Variants in MTERF4 observed in about 807,000 individuals in gnomAD.
The protein encoded by MTERF4 is transcription termination factor 4, mitochondrial.
In MTERF4, 17 loss-of-function variants were observed where a neutral mutation model predicts 22.5. That is an observed-to-expected ratio of 0.75 (90% confidence interval 0.52 to 1.13). The LOEUF (loss-of-function observed/expected upper bound fraction) is 1.13. MTERF4 is among the 50% of genes most tolerant of loss of function. MTERF4 has a pLI of 0.00. For synonymous variants in MTERF4, 165 were observed against 175.3 expected, an observed-to-expected ratio of 0.94 and a Z score of 0.47; for missense variants, 420 against 466.8, an observed-to-expected ratio of 0.90 and a Z score of 0.92.
chr2:241,099,292 C>A, intron 2 of MTERF4, 104 bp downstream of exon 2: 1 of 1,317,638 alleles, frequency 7.6e-7, no homozygotes, highest in Non-Finnish European at 1.0e-6. Flanking sequence ...CCAGGCTGAT[C>A]TTGAACCCCT....
the MTERF4 span, among the ~76,000 whole-genome samples, chr2:241,064,337 C>T: frequency 1.3e-5 from 2 of 152,030 alleles, no homozygotes; most frequent in Non-Finnish European, 2.9e-5. The surrounding 1 kb of genome is among the most constrained non-coding windows in gnomAD (Gnocchi z 7.0). Context: ...ACCTCCCCAT[C>T]TCCTGCGCTC....
chr2:241,067,914 A>T, downstream of MTERF4: 1 of 1,607,216 alleles, frequency 6.2e-7, no homozygotes, highest in Non-Finnish European at 8.5e-7. Flanking sequence ...CAGGCCACCG[A>T]TGTGGACAGG....
At chr2:241,052,017 C>T in the MTERF4 span, 3 of 1,605,740 alleles carry the variant, frequency 1.9e-6, no homozygotes, top group Admixed American at 5.0e-5. Flanking sequence ...TGGGCTGTGA[C>T]CCTGACCTGG....
the MTERF4 span, chr2:241,052,127 C>G: frequency 1.2e-6 from 2 of 1,613,866 alleles, no homozygotes; most frequent in Non-Finnish European, 1.7e-6. Context: ...TGACTGTCCC[C>G]CAGGCTTCTC....
downstream of MTERF4, among the ~76,000 whole-genome samples, chr2:241,091,234 C>T (rs1177432341): frequency 2.0e-5 from 3 of 152,192 alleles, no homozygotes; most frequent in Admixed American, 2.0e-4. This position sits in a 1 kb window ranked among gnomAD's most constrained non-coding sequence, Gnocchi z 4.1. Flanking sequence ...AAGAACAACA[C>T]GAGAATTCAT....
In MTERF4 at chr2:241,073,841, C is replaced by T. The variant is rs1443252036; in HGVS notation, n.2321G>A. On this transcript the variant is annotated non_coding_transcript_exon_variant, in exon 5 of 5. Coordinates refer to the MTERF4 transcript ENST00000464344. This position sits in a 1 kb window ranked among gnomAD's most constrained non-coding sequence, Gnocchi z 6.6. ...AGGTTATGCAGGACCTGAACTGTCT[C>T]CTAGTCCGGGGCTCTGCCTCGTGAG... 1 of 206,696 alleles carries T rather than the reference C, an allele frequency of 4.8e-6. No homozygotes were observed. The highest frequency in any genetic ancestry group is 9.7e-6 in the Non-Finnish European group (1 of 103,446). 12.8% of individuals were successfully genotyped at this position (206,696 alleles called of 1,614,324 possible).
downstream of MTERF4, among the ~76,000 whole-genome samples, chr2:241,084,728 C>CT (rs2063499971): frequency 6.6e-6 from 1 of 152,132 alleles, no homozygotes; most frequent in African/African-American, 2.4e-5. Context: ...CTCTTCATTC[C>CT]TTTTTGTAGA....
chr2:241,070,250 C>T (rs928459244), downstream of MTERF4: 1 of 1,543,342 alleles, frequency 6.5e-7, no homozygotes. Flanking sequence ...TTTGCCAGCC[C>T]TCCACCCTGT....
downstream of MTERF4, chr2:241,068,921 C>T: frequency 1.3e-6 from 2 of 1,551,256 alleles, no homozygotes; most frequent in Non-Finnish European, 1.7e-6. The surrounding 1 kb of genome is among the most constrained non-coding windows in gnomAD (Gnocchi z 5.3). Context: ...GGCCCTGCTG[C>T]CTGGGAAGAG....
chr2:241,072,957 G>T (rs970664345), exon 5 of MTERF4: 1 of 417,728 alleles, frequency 2.4e-6, no homozygotes, highest in Non-Finnish European at 4.3e-6. Flanking sequence ...ACCCTAAGAA[G>T]AAAGCAACCG....
chr2:241,058,094 G>C, the MTERF4 span, among the ~76,000 whole-genome samples: 3 of 151,986 alleles, frequency 2.0e-5, no homozygotes, highest in South Asian at 4.1e-4. Flanking sequence ...AAGAATGAAA[G>C]TGAAAGGAAA....
downstream of MTERF4, chr2:241,089,847 C>T: frequency 1.4e-6 from 2 of 1,417,296 alleles, no homozygotes; most frequent in Non-Finnish European, 1.9e-6. Flanking sequence ...TGGCAGAGCC[C>T]ATGCTCCCGG....
the MTERF4 span, among the ~76,000 whole-genome samples, chr2:241,055,049 G>A: frequency 9.2e-5 from 14 of 152,222 alleles, no homozygotes; most frequent in East Asian, 1.2e-3. Context: ...CCTGGGAGGC[G>A]GAGGTTGCAG....
the MTERF4 span, among the ~76,000 whole-genome samples, chr2:241,045,670 A>G: frequency 1.1e-3 from 162 of 151,976 alleles, no homozygotes; most frequent in African/African-American, 3.7e-3. Flanking sequence ...ATAGACCTAA[A>G]TGGAAAAACA....
the MTERF4 span, chr2:241,052,039 A>C: frequency 6.2e-7 from 1 of 1,613,324 alleles, no homozygotes; most frequent in Non-Finnish European, 8.5e-7. Flanking sequence ...TTCTGTTTCC[A>C]GGGAAGCCAG....
At chr2:241,054,174 C>G in the MTERF4 span, among the ~76,000 whole-genome samples, 4 of 152,270 alleles carry the variant, frequency 2.6e-5, no homozygotes, top group East Asian at 5.8e-4. Context: ...AGATGACCCC[C>G]CCTCCCAATG....
At chr2:241,081,854 C>T (rs2063344120) in intron 4 of MTERF4, 1 of 1,275,172 alleles carries the variant, frequency 7.8e-7, no homozygotes, top group Middle Eastern at 1.9e-4. Context: ...CAGCCTAGGA[C>T]TGCTGGGCCA....
the MTERF4 span, among the ~76,000 whole-genome samples, chr2:241,056,579 A>ATTTTT: frequency 3.4e-5 from 3 of 87,700 alleles, no homozygotes; most frequent in African/African-American, 1.9e-4. Flanking sequence ...GAATAAGTGA[A>ATTTTT]ATTTTTTTTT....
downstream of MTERF4, chr2:241,067,865 G>A: frequency 1.2e-6 from 2 of 1,613,554 alleles, no homozygotes; most frequent in Non-Finnish European, 1.7e-6. Flanking sequence ...CGTCAGTGGG[G>A]TCCGTGTGTC....
Sources: gnomAD v4.1 joint callset for allele counts (sites outside exome capture counted in the v4.1 genomes callset) on GRCh38, gnomAD v4.1.1 for gene constraint, Gnocchi (gnomAD v3.1) non-coding constraint, MANE v1.5 for transcripts, NCBI Gene and HGNC (gene_info 2026-07-23, HGNC 2026-07-21) for gene names.